GABRB2: variants seen among roughly 807,000 people sequenced by gnomAD.
GABRB2 encodes gamma-aminobutyric acid type A receptor subunit beta2.
In GABRB2, 16 loss-of-function variants were observed where a neutral mutation model predicts 54.7. The ratio of observed to expected loss-of-function variants is 0.29; its 90% CI spans 0.20 to 0.44. The LOEUF (loss-of-function observed/expected upper bound fraction) is 0.44, where lower values mean the gene tolerates loss of function less well. GABRB2 is among the 20% of genes least tolerant of loss of function. The pLI is 1.00. For synonymous variants in GABRB2, 244 were observed against 233.8 expected, an observed-to-expected ratio of 1.04 and a Z score of -0.40; for missense variants, 355 against 644.0, an observed-to-expected ratio of 0.55 and a Z score of 4.86.
chr5:161,420,670 C>A (rs531322230), intron 4 of GABRB2, among the ~76,000 whole-genome samples: 2 of 152,188 alleles, frequency 1.3e-5, no homozygotes, highest in Non-Finnish European at 2.9e-5. Flanking sequence ...GGCTGCAGAG[C>A]GGGTGGCAAC....
intron 5 of GABRB2, among the ~76,000 whole-genome samples, chr5:161,358,416 TAA>T (rs993285726): frequency 6.8e-6 from 1 of 146,986 alleles, no homozygotes; most frequent in East Asian, 2.0e-4. Context: ...GTAATTTTGC[TAA>T]AAAAAAAAGT....
intron 3 of GABRB2, among the ~76,000 whole-genome samples, chr5:161,537,434 C>T (rs1047094690): frequency 1.3e-5 from 2 of 152,128 alleles, no homozygotes; most frequent in South Asian, 2.1e-4. Flanking sequence ...CCAAAGTGAA[C>T]TCACTATCTG....
At chr5:161,309,367 A>C (rs547288656) in intron 9 of GABRB2, among the ~76,000 whole-genome samples, 1 of 152,312 alleles carries the variant, frequency 6.6e-6, no homozygotes, top group Admixed American at 6.5e-5. Flanking sequence ...ACAAATGCTG[A>C]TGAAGTTGTG....
chr5:161,535,853 G>A (rs865976230), intron 3 of GABRB2, among the ~76,000 whole-genome samples: 3 of 152,124 alleles, frequency 2.0e-5, no homozygotes, highest in African/African-American at 4.8e-5. Flanking sequence ...AGTCATGGGG[G>A]CAGAGCTCTT....
chr5:161,488,746 G>A (rs1200069918), intron 3 of GABRB2, among the ~76,000 whole-genome samples: 1 of 151,536 alleles, frequency 6.6e-6, no homozygotes, highest in Non-Finnish European at 1.5e-5. Flanking sequence ...AGCAAAATAT[G>A]TTTATCTGTT....
intron 4 of GABRB2, among the ~76,000 whole-genome samples, chr5:161,450,167 C>T (rs139827847): frequency 0.012 from 1,768 of 152,202 alleles, 21 homozygotes; most frequent in Non-Finnish European, 0.02. Context: ...AGTCTCCAGC[C>T]ATTCCTCTTT....
At chr5:161,547,303 C>A (rs1350011638), upstream of GABRB2, among the ~76,000 whole-genome samples, 1 of 94,914 alleles carries the variant, frequency 1.1e-5, no homozygotes, top group African/African-American at 4.6e-5. Flanking sequence ...GCTGAGCAAC[C>A]CGTTGGATTT....
In GABRB2 at chr5:161,290,438, A is replaced by G. The variant is rs1385415265; in HGVS notation, c.*3643T>C. The G allele has an allele frequency of 6.6e-6, 1 of 152,576 alleles. No individual in the cohort carries two copies. The highest frequency in any genetic ancestry group is 1.5e-5 in the Non-Finnish European group (1 of 68,016). The allele number at this position is 152,576 out of a possible 1,614,324, so 9.5% of individuals were successfully genotyped here. A position where few individuals can be genotyped will look rare whatever the true frequency, so the allele number is the denominator to read the frequency against. ...GTACTATTGTCGAGTTGAACTGTGC[A>G]ATGGTTCATAAAAACTGTAGGCATT... On this transcript the variant is annotated 3_prime_UTR_variant, in exon 10 of 10. Coordinates refer to ENST00000393959, the MANE Select transcript of GABRB2 (RefSeq NM_001371727.1).
intron 3 of GABRB2, among the ~76,000 whole-genome samples, chr5:161,512,478 A>C (rs1346954519): frequency 1.3e-5 from 2 of 152,068 alleles, no homozygotes; most frequent in African/African-American, 2.4e-5. Context: ...GGGACTCTCT[A>C]CTCAATAAAT....
At chr5:161,485,164 C>A (rs1249216075) in intron 3 of GABRB2, among the ~76,000 whole-genome samples, 1 of 151,974 alleles carries the variant, frequency 6.6e-6, no homozygotes, top group African/African-American at 2.4e-5. Context: ...GACTCCTCAC[C>A]TTCACTGCCA....
intron 3 of GABRB2, among the ~76,000 whole-genome samples, chr5:161,488,670 C>A (rs763751241): frequency 4.2e-4 from 63 of 151,712 alleles, no homozygotes; most frequent in South Asian, 1.0e-3. Flanking sequence ...AAATTAATTT[C>A]TCTTCTAAAT....
intron 7 of GABRB2, among the ~76,000 whole-genome samples, 171 bp downstream of exon 7, chr5:161,334,581 T>C (rs1393710055): frequency 1.3e-5 from 2 of 152,228 alleles, no homozygotes; most frequent in African/African-American, 4.8e-5. Flanking sequence ...TCGTGTTTAA[T>C]TGATTTAATG....
chr5:161,475,131 G>A (rs371567925), intron 3 of GABRB2, among the ~76,000 whole-genome samples: 1 of 152,058 alleles, frequency 6.6e-6, no homozygotes, highest in African/African-American at 2.4e-5. Flanking sequence ...GTTTTAGAGA[G>A]AAATAGCTTA....
intron 3 of GABRB2, among the ~76,000 whole-genome samples, chr5:161,513,768 C>A (rs1052806989): frequency 6.6e-6 from 1 of 151,776 alleles, no homozygotes; most frequent in Non-Finnish European, 1.5e-5. Flanking sequence ...GCACGTGCAC[C>A]TCCTGAATCT....
chr5:161,547,557 G>C (rs1761026181), upstream of GABRB2, among the ~76,000 whole-genome samples: 1 of 151,628 alleles, frequency 6.6e-6, no homozygotes, highest in South Asian at 2.1e-4. Flanking sequence ...GCTAGTCCGG[G>C]TTATTTATAG....
chr5:161,442,760 CTCTT>C (rs1380657434), intron 4 of GABRB2, among the ~76,000 whole-genome samples: 1 of 151,534 alleles, frequency 6.6e-6, no homozygotes, highest in Non-Finnish European at 1.5e-5. Flanking sequence ...CTCTCTCTCT[CTCTT>C]TCTTTTTTTT....
intron 9 of GABRB2, among the ~76,000 whole-genome samples, chr5:161,314,025 G>A (rs1479509053): frequency 2.0e-5 from 3 of 152,234 alleles, no homozygotes; most frequent in Non-Finnish European, 4.4e-5. Context: ...CTGCATCAGG[G>A]TAGCAATGTG....
At chr5:161,355,794 C>A (rs1299521033) in intron 5 of GABRB2, among the ~76,000 whole-genome samples, 1 of 152,054 alleles carries the variant, frequency 6.6e-6, no homozygotes, top group African/African-American at 2.4e-5. Context: ...TAGATGGAAG[C>A]TTTGCCATTT....
chr5:161,398,245 T>A (rs1323099267), intron 5 of GABRB2, among the ~76,000 whole-genome samples: 1 of 152,176 alleles, frequency 6.6e-6, no homozygotes, highest in Non-Finnish European at 1.5e-5. Flanking sequence ...AGGACCTATA[T>A]CTGGAGTAAA....
Sources: gnomAD v4.1 joint callset for allele counts (sites outside exome capture counted in the v4.1 genomes callset) on GRCh38, gnomAD v4.1.1 for gene constraint, MANE v1.5 for transcripts, NCBI Gene and HGNC (gene_info 2026-07-23, HGNC 2026-07-21) for gene names.